The following SECISBP2 variants were observed in gnomAD, a reference collection of about 807,000 sequenced individuals.
SECISBP2 encodes the protein SECIS binding protein 2.
Under a neutral mutation model 98.2 loss-of-function variants are expected in SECISBP2, and 96 were observed. The observed-to-expected ratio is 0.98, with a 90% CI of 0.83 to 1.16. The LOEUF is 1.16. Ranked by LOEUF, SECISBP2 falls within the 50% of genes most tolerant of loss-of-function variation. SECISBP2 has a pLI of 0.00. For missense variants in SECISBP2, 1,046 were observed against 1,022.9 expected, an observed-to-expected ratio of 1.02 and a Z score of -0.31; for synonymous variants, 407 against 370.2, an observed-to-expected ratio of 1.10 and a Z score of -1.14.
intron 10 of SECISBP2, among the ~76,000 whole-genome samples, chr9:89,345,916 T>C (rs1205393061): frequency 6.6e-6 from 1 of 152,214 alleles, no homozygotes; most frequent in African/African-American, 2.4e-5. Flanking sequence ...CAGAGCAGCC[T>C]GGGAGGCAGG....
At chr9:89,358,640 C>A in intron 16 of SECISBP2, 81 bp from the exon 17 acceptor site, 1 of 927,582 alleles carries the variant, frequency 1.1e-6, no homozygotes. Flanking sequence ...CAGGCTCCCT[C>A]TCTCATGCTG....
chr9:89,341,078 ATTG>A (rs1016858249), intron 9 of SECISBP2, among the ~76,000 whole-genome samples: 12 of 152,214 alleles, frequency 7.9e-5, no homozygotes, highest in African/African-American at 2.6e-4. Context: ...GTAGATGTGT[ATTG>A]TTGACTACTC....
intron 12 of SECISBP2, 49 bp from the exon 13 acceptor site, chr9:89,349,727 G>A: frequency 1.2e-6 from 2 of 1,609,256 alleles, no homozygotes; most frequent in Non-Finnish European, 1.7e-6. Context: ...CCCTCAGTGT[G>A]TGCACTGGGC....
intron 10 of SECISBP2, 151 bp downstream of exon 10, chr9:89,341,630 TAA>T: frequency 1.1e-6 from 1 of 927,970 alleles, no homozygotes. Flanking sequence ...GGAATAGAAT[TAA>T]GAGTCCAGAA....
At chr9:89,363,632 C>T (rs1326779453), downstream of SECISBP2, 1 of 1,590,940 alleles carries the variant, frequency 6.3e-7, no homozygotes, top group Non-Finnish European at 8.6e-7. Context: ...AAACCCAAAC[C>T]CAGAATGCCA....
chr9:89,344,192 C>T (rs1276595966), intron 10 of SECISBP2, among the ~76,000 whole-genome samples: 1 of 152,038 alleles, frequency 6.6e-6, no homozygotes, highest in Non-Finnish European at 1.5e-5. Flanking sequence ...GTTTAAGATC[C>T]TTGTAGATGT....
chr9:89,366,813 G>C, the SECISBP2 span, among the ~76,000 whole-genome samples: 3 of 152,098 alleles, frequency 2.0e-5, no homozygotes, highest in African/African-American at 7.2e-5. Context: ...ATAAAAGCCC[G>C]GTCTCCTCCC....
downstream of SECISBP2, chr9:89,363,551 G>C (rs754837161): frequency 1.2e-6 from 2 of 1,613,372 alleles, no homozygotes; most frequent in Non-Finnish European, 8.5e-7. Context: ...AGGGTCCCCA[G>C]GTCAAAGCTC....
At position 89,347,034 on chromosome 9, in the gene SECISBP2, A is replaced by C. The variant is rs139915131; in HGVS notation, c.1588A>C (p.Thr530Pro). The C allele has an allele frequency of 1.9e-6, 3 of 1,614,014 alleles. No individual in the cohort carries two copies. Among genetic ancestry groups the C allele is most frequent in the African/African-American group, 1.3e-5 (1 of 74,950 alleles). ...QREIPKAKKP[T>P]SLKKIILKER... ...GGAGATCCCCAAGGCCAAGAAGCCA[A>C]CCTCACTGAAGAAGGTATGTGGGGT... The change falls in exon 11 of 17, where the codon ACC (threonine) becomes CCC (proline). Residue 530 changes from threonine (T) to proline (P), a missense_variant. Physicochemically the swap from Thr to Pro is conservative, Grantham distance 38. Coordinates refer to ENST00000375807, the MANE Select transcript of SECISBP2 (RefSeq NM_024077.5).
chr9:89,338,494 G>T lies in SECISBP2; in HGVS notation c.1126G>T (p.Glu376Ter). Residue 376 changes from glutamate to a stop codon, truncating the protein, a stop_gained, in exon 8 of 17, where the codon GAA becomes TAA. Transcript: ENST00000375807. LOFTEE classifies it high-confidence loss of function. The part of the protein sequence containing the change: ...ASQGSDLEQN[E>*]ASRKNKKKKE... ...ACAAGGTAGTGACCTTGAACAAAAT[G>T]AAGCCTCAAGAAAGAATAAGAAAAA... 6.2e-7 allele frequency: 1 copy of T among 1,613,512 alleles called. No individual in the cohort carries two copies. Among genetic ancestry groups the T allele is most frequent in the Non-Finnish European group, 8.5e-7 (1 of 1,179,884 alleles).
At chr9:89,341,707 AG>A (rs1829682269) in intron 10 of SECISBP2, among the ~76,000 whole-genome samples, 1 of 152,218 alleles carries the variant, frequency 6.6e-6, no homozygotes, top group East Asian at 1.9e-4. Flanking sequence ...AATAGAACAA[AG>A]AACAGTCTCT....
At chr9:89,362,470 T>C (rs763792947), downstream of SECISBP2, 2 of 1,613,992 alleles carry the variant, frequency 1.2e-6, no homozygotes, top group Middle Eastern at 1.7e-4. Context: ...GTGGAACGGA[T>C]GGGCCTTTCC....
At chr9:89,327,728 G>A (rs1178071398) in intron 4 of SECISBP2, among the ~76,000 whole-genome samples, 1 of 151,960 alleles carries the variant, frequency 6.6e-6, no homozygotes, top group African/African-American at 2.4e-5. Flanking sequence ...CATCTCCTGT[G>A]ATAACAATGC....
chr9:89,319,022 G>A (rs1183526881), intron 1 of SECISBP2: 4 of 1,032,232 alleles, frequency 3.9e-6, no homozygotes, highest in Non-Finnish European at 4.6e-6. Context: ...ATGGAGCCCT[G>A]GCGATCGCTT....
the SECISBP2 span, chr9:89,365,245 G>C: frequency 6.6e-6 from 1 of 152,510 alleles, no homozygotes; most frequent in African/African-American, 2.4e-5. Context: ...GCAGGTGAGG[G>C]GGTGCAGGTG....
At chr9:89,343,983 G>T (rs534872007) in intron 10 of SECISBP2, among the ~76,000 whole-genome samples, 1 of 152,042 alleles carries the variant, frequency 6.6e-6, no homozygotes, top group Non-Finnish European at 1.5e-5. Context: ...CTTTTTCTCC[G>T]CAACCTCGCC....
Position 89,342,385 on chromosome 9 carries a change from AC to A in SECISBP2, c.1435+907del, listed in dbSNP as rs1272829295. Reference sequence around the variant, plus strand: ...TGGAAGACAACCTGGTGGCTACTTAACAATGCTCAATGCAGTTACTACATGA... The same window carrying A: ...TGGAAGACAACCTGGTGGCTACTTAAAATGCTCAATGCAGTTACTACATGA... On this transcript the variant is annotated intron_variant, in intron 10 of 16. Transcript: ENST00000375807. 5.9e-5 allele frequency among the ~76,000 whole-genome samples: 4 copies of A among 68,316 alleles called. No individual in the cohort carries two copies. The Admixed American group carries it at 8.0e-4, about 14-fold the overall frequency. 44.8% of individuals were successfully genotyped at this position (68,316 alleles called of 152,430 possible). A position where few individuals can be genotyped will look rare whatever the true frequency, so the allele number is the denominator to read the frequency against.
chr9:89,336,766 CT>C (rs1167993596), intron 7 of SECISBP2, among the ~76,000 whole-genome samples: 44 of 75,206 alleles, frequency 5.9e-4, no homozygotes, highest in East Asian at 5.0e-3. Context: ...CTGTCTAATT[CT>C]TTTTTTTTTT....
intron 1 of SECISBP2, 76 bp downstream of exon 1, chr9:89,318,688 G>A (rs572844671): frequency 7.5e-7 from 1 of 1,330,758 alleles, no homozygotes; most frequent in South Asian, 1.7e-5. Context: ...GCCGGGCGGT[G>A]ACGGGGCTGG....
Sources: allele counts gnomAD v4.1 joint callset (sites outside exome capture counted in the v4.1 genomes callset), GRCh38; gene constraint gnomAD v4.1.1; transcripts MANE v1.5; gene names NCBI Gene and HGNC (gene_info 2026-07-23, HGNC 2026-07-21).